Variants in KIRREL3 observed in about 807,000 individuals in gnomAD.
KIRREL3 encodes kin of IRRE-like protein 3.
In KIRREL3, 36 loss-of-function variants were observed where a neutral mutation model predicts 89.7. The ratio of observed to expected loss-of-function variants is 0.40; its 90% confidence interval spans 0.31 to 0.53. The LOEUF is 0.53. Ranked by LOEUF, KIRREL3 falls within the 20% of genes least tolerant of loss-of-function variation. The pLI is 0.49. For synonymous variants in KIRREL3, 445 were observed against 441.4 expected, an observed-to-expected ratio of 1.01 and a Z score of -0.10; for missense variants, 864 against 1,056.6, an observed-to-expected ratio of 0.82 and a Z score of 2.53.
intron 7 of KIRREL3, among the ~76,000 whole-genome samples, chr11:126,450,485 G>T (rs1342246789): frequency 6.9e-6 from 1 of 145,236 alleles, no homozygotes; most frequent in African/African-American, 2.5e-5. Flanking sequence ...ATGTGTGTGG[G>T]TGTGAGTGTG....
chr11:126,651,185 C>T lies in KIRREL3; in HGVS notation c.56-88273G>A, dbSNP rs749708909. Among the ~76,000 whole-genome samples the T allele has an allele frequency of 3.9e-5, 6 of 152,196 alleles. No individual in the cohort carries two copies. Among genetic ancestry groups the T allele is most frequent in the African/African-American group, 7.2e-5 (3 of 41,458 alleles). On this transcript the variant is annotated intron_variant, in intron 1 of 16. Coordinates refer to ENST00000525144, the MANE Select transcript of KIRREL3 (RefSeq NM_032531.4). The surrounding 1 kb of genome is among the most constrained non-coding windows in gnomAD (Gnocchi z 4.6). ...CATATCAGAAAAGAACTGCAATCCA[C>T]GTCTAAATGAGAAAATGGTTCCTTG...
At chr11:126,911,322 T>G (rs1025348811) in intron 1 of KIRREL3, among the ~76,000 whole-genome samples, 1 of 152,196 alleles carries the variant, frequency 6.6e-6, no homozygotes, top group Non-Finnish European at 1.5e-5. Flanking sequence ...AATAAAACAC[T>G]GACATTTGTC....
intron 1 of KIRREL3, among the ~76,000 whole-genome samples, chr11:126,616,303 G>A (rs1285080405): frequency 6.6e-6 from 1 of 152,146 alleles, no homozygotes; most frequent in Non-Finnish European, 1.5e-5. Flanking sequence ...GGAGAAACAA[G>A]TTCGTGGGAA....
chr11:126,775,600 G>C (rs1950147807), intron 1 of KIRREL3, among the ~76,000 whole-genome samples: 1 of 152,176 alleles, frequency 6.6e-6, no homozygotes. Flanking sequence ...CTCACTCGCT[G>C]CTGGGTCTTT....
At chr11:126,596,417 C>T (rs1280405259) in intron 1 of KIRREL3, among the ~76,000 whole-genome samples, 1 of 152,220 alleles carries the variant, frequency 6.6e-6, no homozygotes, top group Non-Finnish European at 1.5e-5. Flanking sequence ...GTAACATGCC[C>T]AATGTCACAC....
chr11:126,925,349 G>C (rs546555362), intron 1 of KIRREL3, among the ~76,000 whole-genome samples: 2 of 152,218 alleles, frequency 1.3e-5, no homozygotes, highest in Admixed American at 6.5e-5. Flanking sequence ...CAGGATGCCT[G>C]TGGTGGCGGG....
rs1262145354 is a variant in KIRREL3 at position 126,685,349 on chromosome 11, T to C, written c.56-122437A>G. Among the ~76,000 whole-genome samples, 1 of 152,046 alleles carries C rather than the reference T, an allele frequency of 6.6e-6. No individual in the cohort carries two copies. Among genetic ancestry groups the C allele is most frequent in the Non-Finnish European group, 1.5e-5 (1 of 68,004 alleles). On this transcript the variant is annotated intron_variant, in intron 1 of 16. Transcript: ENST00000525144. The surrounding 1 kb of genome is among the most constrained non-coding windows in gnomAD (Gnocchi z 5.5). ...GGTGGGTTTTGTGCAGGAGAACTTC[T>C]TGCAGGAGACTTGGAGACAGAAATT...
chr11:126,644,684 A>G (rs1457834499), intron 1 of KIRREL3, among the ~76,000 whole-genome samples: 1 of 152,202 alleles, frequency 6.6e-6, no homozygotes, highest in Admixed American at 6.5e-5. Flanking sequence ...GGATGGAAAT[A>G]TTGGGGCAAA....
At position 126,780,105 on chromosome 11, in the gene KIRREL3, G is replaced by A. The variant is rs750728703; in HGVS notation, c.56-217193C>T. Among the ~76,000 whole-genome samples the A allele has an allele frequency of 7.2e-5, 11 of 152,210 alleles. No individual in the cohort carries two copies. Among genetic ancestry groups the A allele is most frequent in the Non-Finnish European group, 1.6e-4 (11 of 68,026 alleles). ...GGCACAGTACAGGAAGACACAGAAA[G>A]GGAGTAGGATAGGGGAGATGGACAT... is the stretch of plus-strand genomic sequence containing the variant. On this transcript the variant is annotated intron_variant, in intron 1 of 16. Coordinates refer to ENST00000525144, the MANE Select transcript of KIRREL3 (RefSeq NM_032531.4). The surrounding 1 kb of genome is among the most constrained non-coding windows in gnomAD (Gnocchi z 5.3).
At position 126,724,422 on chromosome 11, in the gene KIRREL3, A is replaced by G. The variant is rs940780112; in HGVS notation, c.56-161510T>C. ...CTTGTATCTCTTATGGACAAGATGCAGAGTGAGTGAGCCAGCAGATGGACA... is the reference window on the plus strand; with the variant it reads ...CTTGTATCTCTTATGGACAAGATGCGGAGTGAGTGAGCCAGCAGATGGACA... On this transcript the variant is annotated intron_variant, in intron 1 of 16. Transcript: ENST00000525144. The surrounding 1 kb of genome is among the most constrained non-coding windows in gnomAD (Gnocchi z 4.3). Among the ~76,000 whole-genome samples, 16 of 152,198 alleles carry G rather than the reference A, an allele frequency of 1.1e-4. No individual in the cohort carries two copies. The highest frequency in any genetic ancestry group is 2.2e-4 in the Non-Finnish European group (15 of 68,030).
Position 126,428,804 on chromosome 11 carries a change from G to A in KIRREL3, c.1806+375C>T, listed in dbSNP as rs1955028145. On this transcript the variant is annotated intron_variant, in intron 15 of 16. Coordinates refer to ENST00000525144, the MANE Select transcript of KIRREL3 (RefSeq NM_032531.4). The surrounding 1 kb of genome is among the most constrained non-coding windows in gnomAD (Gnocchi z 6.4). ...TGGGATTACAGGCGCCCGCCACCAC[G>A]CCCAGCTAATTTTTGTATTTTTAGT... is the stretch of plus-strand genomic sequence containing the variant. Among the ~76,000 whole-genome samples, 2 of 152,154 alleles carry A rather than the reference G, an allele frequency of 1.3e-5. No individual in the cohort carries two copies. Among genetic ancestry groups the A allele is most frequent in the South Asian group, 2.1e-4 (1 of 4,808 alleles).
rs1043468060 is a variant in KIRREL3 at position 126,924,885 on chromosome 11, C to T, written c.55+75570G>A. Among the ~76,000 whole-genome samples the T allele has an allele frequency of 6.6e-5, 10 of 150,890 alleles. No homozygotes were observed. Among genetic ancestry groups the T allele is most frequent in the Middle Eastern group, 6.8e-3 (2 of 292 alleles). On this transcript the variant is annotated intron_variant, in intron 1 of 16. Coordinates refer to ENST00000525144, the MANE Select transcript of KIRREL3 (RefSeq NM_032531.4). The surrounding 1 kb of genome is among the most constrained non-coding windows in gnomAD (Gnocchi z 4.7). ...TTCACTCTCCAACAGCATGAATATTCGGTGTGACTGTGGCTCTGTGTATGT... is the reference window on the plus strand; with the variant it reads ...TTCACTCTCCAACAGCATGAATATTTGGTGTGACTGTGGCTCTGTGTATGT...
At position 126,655,257 on chromosome 11, in the gene KIRREL3, C is replaced by G. The variant is rs897060440; in HGVS notation, c.56-92345G>C. On this transcript the variant is annotated intron_variant, in intron 1 of 16. Transcript: ENST00000525144. The surrounding 1 kb of genome is among the most constrained non-coding windows in gnomAD (Gnocchi z 5.0). ...TGTCAAAGCCTCACCCAGGAGAGCT[C>G]TCGCTGTTGCCTGCTTTTATCTGGA... Among the ~76,000 whole-genome samples the G allele has an allele frequency of 3.9e-5, 6 of 152,206 alleles. No homozygotes were observed. Among genetic ancestry groups the G allele is most frequent in the Non-Finnish European group, 5.9e-5 (4 of 68,034 alleles).
At position 126,459,878 on chromosome 11, in the gene KIRREL3, T is replaced by A. The variant is rs778710684; in HGVS notation, c.742+3279A>T. ...AGATGTGGTGAGGCTTTGGGGGTGT[T>A]AAGCTTTCTCTCCCATTACTCAATC... On this transcript the variant is annotated intron_variant, in intron 6 of 16. Transcript: ENST00000525144. The surrounding 1 kb of genome is among the most constrained non-coding windows in gnomAD (Gnocchi z 4.8). Among the ~76,000 whole-genome samples the A allele has an allele frequency of 6.6e-6, 1 of 152,194 alleles. No individual in the cohort carries two copies. The highest frequency in any genetic ancestry group is 1.5e-5 in the Non-Finnish European group (1 of 68,034).
chr11:126,607,398 G>GGA lies in KIRREL3; in HGVS notation c.56-44488_56-44487dup, dbSNP rs1377006379. Among the ~76,000 whole-genome samples the GGA allele has an allele frequency of 2.6e-5, 4 of 152,042 alleles. No individual in the cohort carries two copies. Among genetic ancestry groups the GGA allele is most frequent in the Non-Finnish European group, 4.4e-5 (3 of 68,012 alleles). The stretch of plus-strand genomic sequence containing the variant: ...CTTGGCTGGGAGAGGAAGGGCTGGA[G>GGA]GAGAGATCAGGAAGGAGAGATCCAC... On this transcript the variant is annotated intron_variant, in intron 1 of 16. Transcript: ENST00000525144. This position sits in a 1 kb window ranked among gnomAD's most constrained non-coding sequence, Gnocchi z 6.6.
chr11:126,923,129 C>CTTCTCTTCTTCTTCTTCT, intron 1 of KIRREL3, among the ~76,000 whole-genome samples: 1 of 25,738 alleles, frequency 3.9e-5, no homozygotes, highest in Non-Finnish European at 7.8e-5. Context: ...TCTCCTTCTT[C>CTTCTCTTCTTCTTCTTCT]TCTTCTTCTT....
chr11:126,997,107 A>C lies in KIRREL3; in HGVS notation c.55+3348T>G, dbSNP rs1950199570. ...GGACCTTATTCCCTCCAAGCTACCT[A>C]AGCTGTGCATGTGCAGGCTGGATGG... is the stretch of plus-strand genomic sequence containing the variant. On this transcript the variant is annotated intron_variant, in intron 1 of 16. Transcript: ENST00000525144. This position sits in a 1 kb window ranked among gnomAD's most constrained non-coding sequence, Gnocchi z 4.3. Among the ~76,000 whole-genome samples the C allele has an allele frequency of 6.6e-6, 1 of 152,108 alleles. No homozygotes were observed. The highest frequency in any genetic ancestry group is 2.4e-5 in the African/African-American group (1 of 41,406).
chr11:126,510,805 C>T (rs1315460764), intron 4 of KIRREL3, among the ~76,000 whole-genome samples: 1 of 152,188 alleles, frequency 6.6e-6, no homozygotes, highest in African/African-American at 2.4e-5. Flanking sequence ...GGCCATGGTG[C>T]TGACCAATCA....
intron 1 of KIRREL3, among the ~76,000 whole-genome samples, chr11:126,590,851 G>A (rs1039159223): frequency 9.9e-5 from 15 of 152,076 alleles, no homozygotes; most frequent in Admixed American, 4.6e-4. Context: ...TTCCATCCCT[G>A]TTCTCCCCAC....
Sources: gnomAD v4.1 joint callset for allele counts (sites outside exome capture counted in the v4.1 genomes callset) on GRCh38, gnomAD v4.1.1 for gene constraint, Gnocchi (gnomAD v3.1) non-coding constraint, MANE v1.5 for transcripts, NCBI Gene and HGNC (gene_info 2026-07-23, HGNC 2026-07-21) for gene names.